SLX9: variants seen among roughly 807,000 people sequenced by gnomAD.
The protein encoded by SLX9 is ribosome biogenesis protein SLX9 homolog.
Under a neutral mutation model 20.8 loss-of-function variants are expected in SLX9, and 19 were observed. The ratio of observed to expected loss-of-function variants is 0.91; its 90% CI spans 0.64 to 1.34. The LOEUF (loss-of-function observed/expected upper bound fraction) is 1.34. Ranked by LOEUF, SLX9 falls within the 40% of genes most tolerant of loss-of-function variation. The pLI is 0.00. For synonymous variants in SLX9, 113 were observed against 137.1 expected (o/e 0.82, Z 1.23); for missense variants, 299 against 322.2 (o/e 0.93, Z 0.55).
chr21:44,955,344 C>CA (rs1025199560), intron 2 of SLX9, among the ~76,000 whole-genome samples: 1 of 152,266 alleles, frequency 6.6e-6, no homozygotes, highest in African/African-American at 2.4e-5. Context: ...ACCACCCCCT[C>CA]ACATGCTCGC....
chr21:44,946,091 G>A (rs1030142838), intron 2 of SLX9, among the ~76,000 whole-genome samples: 2 of 152,152 alleles, frequency 1.3e-5, no homozygotes, highest in African/African-American at 4.8e-5. Context: ...GGTGGGAGAG[G>A]GTAGAAGCTT....
intron 4 of SLX9, chr21:44,972,934 A>C: frequency 5.5e-5 from 2 of 36,386 alleles, no homozygotes; most frequent in Non-Finnish European, 9.3e-5. Flanking sequence ...CACACGGAGC[A>C]GCTTGGGGCC....
chr21:44,958,295 C>G (rs2084894650), intron 2 of SLX9: 2 of 152,626 alleles, frequency 1.3e-5, no homozygotes, highest in Non-Finnish European at 2.9e-5. Context: ...TCCCGACACC[C>G]TTGCTTGAGG....
At chr21:44,961,088 A>G (rs2084942641) in intron 3 of SLX9, among the ~76,000 whole-genome samples, 1 of 152,170 alleles carries the variant, frequency 6.6e-6, no homozygotes, top group African/African-American at 2.4e-5. Flanking sequence ...TAGGGAAATG[A>G]TTCATTCCTC....
intron 2 of SLX9, among the ~76,000 whole-genome samples, chr21:44,947,678 C>T (rs1010402233): frequency 6.6e-6 from 1 of 152,132 alleles, no homozygotes; most frequent in East Asian, 1.9e-4. Context: ...CCCCTGTTCC[C>T]TTCCTGTGCC....
intron 1 of SLX9, among the ~76,000 whole-genome samples, chr21:44,941,416 C>T (rs1039159563): frequency 1.3e-5 from 2 of 151,074 alleles, no homozygotes; most frequent in African/African-American, 4.9e-5. Flanking sequence ...TCTCCTTGTC[C>T]CCTTCTGGCT....
chr21:44,959,972 C>A, intron 2 of SLX9, 128 bp from the exon 3 acceptor site: 1 of 789,918 alleles, frequency 1.3e-6, no homozygotes, highest in Non-Finnish European at 2.2e-6. Context: ...GTCTGAGAGG[C>A]TGGCACAGGC....
chr21:44,943,511 C>T (rs547124807), intron 1 of SLX9, among the ~76,000 whole-genome samples, 173 bp from the exon 2 acceptor site: 99 of 152,240 alleles, frequency 6.5e-4, no homozygotes, highest in South Asian at 1.9e-3. Context: ...GCTCTGGAAC[C>T]GGAGGCTTCT....
At chr21:44,973,933 C>T (rs957889254) in intron 5 of SLX9, among the ~76,000 whole-genome samples, 6 of 152,136 alleles carry the variant, frequency 3.9e-5, no homozygotes, top group African/African-American at 1.4e-4. Context: ...GTGGACGCAG[C>T]CCCATCTCCG....
chr21:44,943,106 G>A (rs2084578461), intron 1 of SLX9, among the ~76,000 whole-genome samples: 1 of 152,168 alleles, frequency 6.6e-6, no homozygotes. Flanking sequence ...CACATGAATG[G>A]GCTGGGCAGC....
At chr21:44,973,947 C>T (rs1416198762) in intron 5 of SLX9, among the ~76,000 whole-genome samples, 2 of 152,228 alleles carry the variant, frequency 1.3e-5, no homozygotes, top group East Asian at 1.9e-4. Context: ...ATCTCCGCCC[C>T]TCCCCTCCGC....
At chr21:44,947,803 C>T (rs1432519411) in intron 2 of SLX9, among the ~76,000 whole-genome samples, 2 of 152,156 alleles carry the variant, frequency 1.3e-5, no homozygotes, top group South Asian at 2.1e-4. Flanking sequence ...CTAGAGTCCC[C>T]TCCCCGCCCC....
chr21:44,946,823 G>A (rs772601577), intron 2 of SLX9, among the ~76,000 whole-genome samples: 5 of 152,204 alleles, frequency 3.3e-5, no homozygotes, highest in Admixed American at 1.3e-4. Context: ...CTGGATGAAG[G>A]GGACCATGGG....
chr21:44,940,048 C>CG lies in SLX9; in HGVS notation c.-9dup, dbSNP rs752281355. On this transcript the variant is annotated 5_prime_UTR_variant, in exon 1 of 6. Coordinates refer to ENST00000291634, the MANE Select transcript of SLX9 (RefSeq NM_058190.4). ...GGCGCTCCGCACGTTTGCCGTGCTC[C>CG]GCCGGGAAGATGGGGAAAGTGAGGG... The CG allele has an allele frequency of 4.5e-5, 65 of 1,447,134 alleles. No individual in the cohort carries two copies. The East Asian group carries it at 1.5e-3, about 34-fold the overall frequency. The allele number at this position is 1,447,134 out of a possible 1,614,324, so 89.6% of individuals were successfully genotyped here.
At position 44,957,692 on chromosome 21, in the gene SLX9, A is replaced by C. The variant is rs1403089552; in HGVS notation, c.284-2408A>C. Among the ~76,000 whole-genome samples the C allele has an allele frequency of 4.6e-5, 7 of 152,128 alleles. No individual in the cohort carries two copies. In the East Asian group the frequency reaches 1.4e-3, roughly 29 times the overall value. Reference sequence around the variant, plus strand: ...AGGGGGAGTGGATGGCACCTGCAGCATGTTCCCCCACAGGGAGGCCTGGGC... The same window carrying C: ...AGGGGGAGTGGATGGCACCTGCAGCCTGTTCCCCCACAGGGAGGCCTGGGC... On this transcript the variant is annotated intron_variant, in intron 2 of 5. Coordinates refer to ENST00000291634, the MANE Select transcript of SLX9 (RefSeq NM_058190.4).
intron 2 of SLX9, chr21:44,959,388 G>A: frequency 2.6e-6 from 1 of 389,046 alleles, no homozygotes; most frequent in South Asian, 1.0e-4. Flanking sequence ...AGAGCAAACT[G>A]GAGTCAGAGA....
At chr21:44,964,467 A>T (rs936329244) in intron 3 of SLX9, among the ~76,000 whole-genome samples, 1 of 151,274 alleles carries the variant, frequency 6.6e-6, no homozygotes, top group Non-Finnish European at 1.5e-5. Context: ...GGGCCCTCCC[A>T]CTCCTGGAGG....
intron 2 of SLX9, 96 bp from the exon 3 acceptor site, chr21:44,960,004 G>A: frequency 1.9e-6 from 2 of 1,047,502 alleles, no homozygotes; most frequent in Admixed American, 1.8e-5. Flanking sequence ...CAGTGACTGT[G>A]GCAGCTCTGC....
At chr21:44,969,207 G>A (rs573072131) in intron 4 of SLX9, 8 of 469,940 alleles carry the variant, frequency 1.7e-5, no homozygotes, top group African/African-American at 4.0e-5. Flanking sequence ...GCAGGCCCAG[G>A]CAGCTCCAGG....
Sources: gnomAD v4.1 joint callset for allele counts (sites outside exome capture counted in the v4.1 genomes callset) on GRCh38, gnomAD v4.1.1 for gene constraint, MANE v1.5 for transcripts, NCBI Gene and HGNC (gene_info 2026-07-23, HGNC 2026-07-21) for gene names.